The following ARID1B variants were observed in gnomAD, a reference collection of about 807,000 sequenced individuals.
ARID1B encodes the protein AT-rich interactive domain-containing protein 1B.
ARID1B carries 30 observed loss-of-function variants against 212.3 expected under a neutral mutation model. That is an observed-to-expected ratio of 0.14 (90% CI 0.11 to 0.19). ARID1B has a LOEUF of 0.19. Among genes scored for constraint, ARID1B ranks in the 10% least tolerant of loss-of-function variants. The pLI is 1.00. For missense variants in ARID1B, 2,891 were observed against 3,204.0 expected (o/e 0.90, Z 2.36); for synonymous variants, 1,402 against 1,301.7 (o/e 1.08, Z -1.66).
Position 157,209,136 on chromosome 6 carries a change from A to G in ARID1B, c.*1245A>G, listed in dbSNP as rs191127408. 6 of 230,750 alleles carry G rather than the reference A, an allele frequency of 2.6e-5. No homozygotes were observed. Among genetic ancestry groups the G allele is most frequent in the East Asian group, 1.9e-4 (3 of 16,126 alleles). The allele number at this position is 230,750 out of a possible 1,614,324, so 14.3% of individuals were successfully genotyped here. A position where few individuals can be genotyped will look rare whatever the true frequency, so the allele number is the denominator to read the frequency against. ...TTCAAGATAATGTAGTTTAAAAAAAAAAAAAAGAAAAAAACTTGATGTAAA... is the reference window on the plus strand; with the variant it reads ...TTCAAGATAATGTAGTTTAAAAAAAGAAAAAAGAAAAAAACTTGATGTAAA... On this transcript the variant is annotated 3_prime_UTR_variant, in exon 20 of 20. Coordinates refer to ENST00000636930, the MANE Select transcript of ARID1B (RefSeq NM_001374828.1).
intron 2 of ARID1B, among the ~76,000 whole-genome samples, chr6:156,897,255 C>CTTATTATTATTATTA (rs1367763317): frequency 1.0e-3 from 91 of 90,152 alleles, no homozygotes; most frequent in Middle Eastern, 5.0e-3. Flanking sequence ...TCTTCTTCTT[C>CTTATTATTATTATTA]TTCTTCTTCT....
At chr6:156,851,489 C>T (rs1303695451) in intron 2 of ARID1B, among the ~76,000 whole-genome samples, 1 of 152,188 alleles carries the variant, frequency 6.6e-6, no homozygotes, top group Non-Finnish European at 1.5e-5. Flanking sequence ...GCCTCTGGAT[C>T]TAGGTTATTA....
intron 15 of ARID1B, chr6:157,195,761 A>G (rs1351267190): frequency 4.9e-6 from 1 of 204,838 alleles, no homozygotes; most frequent in Non-Finnish European, 9.7e-6. Flanking sequence ...ATGGTCTATC[A>G]TATTAAGAAA....
intron 9 of ARID1B, among the ~76,000 whole-genome samples, chr6:157,171,257 A>G (rs1583446700): frequency 2.0e-5 from 3 of 152,250 alleles, no homozygotes; most frequent in Admixed American, 6.5e-5. Flanking sequence ...GTGCTTGAAA[A>G]GTATTTACAG....
chr6:156,932,230 C>T (rs9322590), intron 3 of ARID1B, among the ~76,000 whole-genome samples: 28,674 of 151,072 alleles, frequency 0.19, 3,649 homozygotes, highest in African/African-American at 0.35. Flanking sequence ...TTTTTCACAC[C>T]TTTGTTTGTG....
chr6:156,861,940 G>C (rs989962639), intron 2 of ARID1B, among the ~76,000 whole-genome samples: 13 of 152,314 alleles, frequency 8.5e-5, no homozygotes, highest in African/African-American at 2.9e-4. Context: ...GCATTTGTGA[G>C]TTTGAAGTCA....
At chr6:157,033,060 G>A (rs988112959) in intron 4 of ARID1B, among the ~76,000 whole-genome samples, 5 of 152,072 alleles carry the variant, frequency 3.3e-5, no homozygotes, top group African/African-American at 7.2e-5. Context: ...AGTAAACATC[G>A]TTTTAAATAT....
At chr6:156,954,658 T>G (rs1345982620) in intron 4 of ARID1B, among the ~76,000 whole-genome samples, 4 of 151,840 alleles carry the variant, frequency 2.6e-5, no homozygotes, top group African/African-American at 9.7e-5. Flanking sequence ...GCTCGAACTG[T>G]TTTTTTTGTT....
chr6:156,900,519 A>G (rs939065133), intron 2 of ARID1B, among the ~76,000 whole-genome samples: 3 of 152,322 alleles, frequency 2.0e-5, no homozygotes, highest in African/African-American at 7.2e-5. Context: ...ATGAAACAAA[A>G]TGACTTTGCC....
intron 4 of ARID1B, among the ~76,000 whole-genome samples, chr6:157,042,127 C>T (rs889372648): frequency 6.6e-6 from 1 of 152,190 alleles, no homozygotes; most frequent in African/African-American, 2.4e-5. Context: ...CCACGTTACA[C>T]CTTCCCCTCC....
At chr6:156,789,026 A>G (rs781413006) in intron 1 of ARID1B, among the ~76,000 whole-genome samples, 44 of 152,230 alleles carry the variant, frequency 2.9e-4, no homozygotes, top group African/African-American at 8.4e-4. Flanking sequence ...CAAAAAGACT[A>G]TATTCCTCAA....
chr6:156,914,408 G>A (rs187464662), intron 3 of ARID1B, among the ~76,000 whole-genome samples: 7 of 152,232 alleles, frequency 4.6e-5, no homozygotes, highest in Admixed American at 1.3e-4. Context: ...CTTCCTCCTC[G>A]GAGCACCTGT....
At chr6:157,186,196 G>C in intron 13 of ARID1B, 1 of 304,862 alleles carries the variant, frequency 3.3e-6, no homozygotes, top group South Asian at 2.9e-5. Context: ...GCCCTGCTGA[G>C]GCGTATAGAT....
At chr6:157,067,753 G>A (rs1286121791) in intron 4 of ARID1B, among the ~76,000 whole-genome samples, 2 of 152,154 alleles carry the variant, frequency 1.3e-5, no homozygotes. Context: ...GTACTGTGCA[G>A]TGCCTGTGTT....
At chr6:156,874,110 T>A (rs1786355206) in intron 2 of ARID1B, among the ~76,000 whole-genome samples, 1 of 152,214 alleles carries the variant, frequency 6.6e-6, no homozygotes, top group Admixed American at 6.5e-5. Context: ...AGGGTCTCAC[T>A]CTGTCACCAG....
chr6:156,896,594 AAAAAAAG>A (rs1335995295), intron 2 of ARID1B, among the ~76,000 whole-genome samples: 2 of 149,070 alleles, frequency 1.3e-5, no homozygotes. Flanking sequence ...AAAAAAAAAA[AAAAAAAG>A]AGGACACAGT....
At position 157,203,641 on chromosome 6, in the gene ARID1B, T is replaced by A; in HGVS notation, c.5264-225T>A. On this transcript the variant is annotated intron_variant, in intron 18 of 19. Transcript: ENST00000636930. The surrounding 1 kb of genome is among the most constrained non-coding windows in gnomAD (Gnocchi z 4.4). ...CACCTCCAGAAGCACTTTCGGCCCC[T>A]GCGTGACCAACAAAGCGAGATCTGA... 1.8e-6 allele frequency: 1 copy of A among 558,984 alleles called. No homozygotes were observed. 34.6% of individuals were successfully genotyped at this position (558,984 alleles called of 1,614,324 possible).
chr6:157,121,654 A>T (rs9384528), intron 6 of ARID1B, among the ~76,000 whole-genome samples: 1 of 136,240 alleles, frequency 7.3e-6, no homozygotes. Context: ...TTTTGCTGAG[A>T]CGGAGTTTCA....
chr6:156,800,569 A>G (rs1413653182), intron 1 of ARID1B, among the ~76,000 whole-genome samples: 2 of 152,154 alleles, frequency 1.3e-5, no homozygotes, highest in African/African-American at 4.8e-5. Context: ...AACCTGGGTG[A>G]CAGAGCAATA....
Sources: allele counts gnomAD v4.1 joint callset (sites outside exome capture counted in the v4.1 genomes callset), GRCh38; gene constraint gnomAD v4.1.1; non-coding constraint Gnocchi (gnomAD v3.1); transcripts MANE v1.5; gene names NCBI Gene and HGNC (gene_info 2026-07-23, HGNC 2026-07-21).